The following GRB14 variants were observed in gnomAD, a reference collection of about 807,000 sequenced individuals.
GRB14 encodes growth factor receptor bound protein 14, also known as growth factor receptor-bound protein 14.
GRB14 carries 38 observed loss-of-function variants against 69.1 expected under a neutral mutation model. The observed-to-expected ratio is 0.55, with a 90% CI of 0.42 to 0.72. The LOEUF (loss-of-function observed/expected upper bound fraction) is 0.72, where lower values mean the gene tolerates loss of function less well. Among genes scored for constraint, GRB14 ranks in the 30% least tolerant of loss-of-function variants. GRB14 has a pLI of 0.00. For synonymous variants in GRB14, 247 were observed against 241.3 expected (o/e 1.02, Z -0.22); for missense variants, 666 against 666.1 (o/e 1.00, Z 0.00).
At position 164,502,279 on chromosome 2, in the gene GRB14, G is replaced by A. The variant is rs1687076634; in HGVS notation, c.1080C>T (p.Cys360=). ...YMHPYQGRSG[C]SSQSISPMRS... ...CCATAGGTGATATGCTCTGTGAACTGCAGCCACTTCTACCTTGATATGGAT... is the reference window on the plus strand; with the variant it reads ...CCATAGGTGATATGCTCTGTGAACTACAGCCACTTCTACCTTGATATGGAT... The change falls in exon 9 of 14, where the codon TGC becomes TGT. Residue 360 remains cysteine (C), a synonymous_variant. Coordinates refer to ENST00000263915, the MANE Select transcript of GRB14 (RefSeq NM_004490.3). 2.5e-6 allele frequency: 4 copies of A among 1,602,778 alleles called. No homozygotes were observed. Among genetic ancestry groups the A allele is most frequent in the Non-Finnish European group, 3.4e-6 (4 of 1,170,542 alleles).
chr2:164,607,624 A>G (rs937961603), intron 2 of GRB14, among the ~76,000 whole-genome samples: 1 of 152,230 alleles, frequency 6.6e-6, no homozygotes, highest in African/African-American at 2.4e-5. Flanking sequence ...AGGACCTCAT[A>G]TAATACAACT....
At chr2:164,583,997 T>G (rs1037572384) in intron 2 of GRB14, among the ~76,000 whole-genome samples, 11 of 151,976 alleles carry the variant, frequency 7.2e-5, no homozygotes, top group African/African-American at 2.7e-4. Context: ...ATTGCTTTTT[T>G]TTTTTGGAGA....
intron 2 of GRB14, among the ~76,000 whole-genome samples, chr2:164,578,228 G>A (rs1689300207): frequency 6.6e-6 from 1 of 151,348 alleles, no homozygotes; most frequent in South Asian, 2.1e-4. Flanking sequence ...GCAAGACTCT[G>A]TCTAAAAAAA....
intron 2 of GRB14, among the ~76,000 whole-genome samples, chr2:164,613,675 T>C (rs138282080): frequency 1.2e-3 from 184 of 152,340 alleles, no homozygotes; most frequent in Non-Finnish European, 2.0e-3. Context: ...AGTGGTTGAC[T>C]TGATTTTTGC....
intron 6 of GRB14, among the ~76,000 whole-genome samples, 178 bp from the exon 7 acceptor site, chr2:164,509,030 T>C (rs768485336): frequency 6.6e-6 from 1 of 152,154 alleles, no homozygotes; most frequent in East Asian, 1.9e-4. Context: ...AACCAGGAGC[T>C]GGATACAATT....
intron 12 of GRB14, among the ~76,000 whole-genome samples, chr2:164,494,992 C>T (rs539731977): frequency 2.1e-4 from 32 of 152,084 alleles, no homozygotes; most frequent in Admixed American, 5.2e-4. Context: ...CGCTCTGTCA[C>T]CCAGGCTGGA....
intron 6 of GRB14, among the ~76,000 whole-genome samples, chr2:164,518,905 G>A (rs1238373687): frequency 6.6e-6 from 1 of 151,978 alleles, no homozygotes; most frequent in African/African-American, 2.4e-5. Context: ...AAAAGGTCCA[G>A]GACCAGATGG....
chr2:164,593,302 C>T (rs1052061220), intron 2 of GRB14, among the ~76,000 whole-genome samples: 2 of 151,932 alleles, frequency 1.3e-5, no homozygotes, highest in Non-Finnish European at 2.9e-5. Flanking sequence ...ACTATATATA[C>T]ATTCTGACTA....
rs561301380 is a variant in GRB14, at chr2:164,515,255, C to T, written c.817-6403G>A. ...CAACTCCGGGCTGCAGGCCAACCAA[C>T]ACAAAACGAGCACAATAAACAAAAC... On this transcript the variant is annotated intron_variant, in intron 6 of 13. Coordinates refer to ENST00000263915, the MANE Select transcript of GRB14 (RefSeq NM_004490.3). Among the ~76,000 whole-genome samples, 10 of 152,302 alleles carry T rather than the reference C, an allele frequency of 6.6e-5. No individual in the cohort carries two copies. The East Asian group carries it at 1.9e-3, about 29-fold the overall frequency.
chr2:164,520,459 C>T (rs185327399), intron 6 of GRB14, among the ~76,000 whole-genome samples: 15 of 151,820 alleles, frequency 9.9e-5, no homozygotes, highest in African/African-American at 3.4e-4. Flanking sequence ...AAAGACTTCC[C>T]GACTAAGAAC....
intron 3 of GRB14, among the ~76,000 whole-genome samples, chr2:164,540,574 A>C (rs1246087165): frequency 6.6e-6 from 1 of 152,104 alleles, no homozygotes; most frequent in African/African-American, 2.4e-5. Context: ...ACACCTCTGC[A>C]CTCCAGCCTG....
intron 7 of GRB14, 75 bp downstream of exon 7, chr2:164,508,667 C>T: frequency 1.4e-6 from 2 of 1,438,648 alleles, no homozygotes; most frequent in South Asian, 1.2e-5. Flanking sequence ...TTTTCAAAAG[C>T]AATTAAAGGA....
chr2:164,508,755 CCA>C lies in GRB14; in HGVS notation c.912_913del (p.Tyr304Ter). 6.3e-7 allele frequency: 1 copy of C among 1,584,150 alleles called. No homozygotes were observed. The highest frequency in any genetic ancestry group is 1.2e-5 in the South Asian group (1 of 83,986). On this transcript the variant is annotated stop_gained and frameshift_variant, in exon 7 of 14. Transcript: ENST00000263915. LOFTEE classifies it high-confidence loss of function. ...TTAAGCCTGTACCTTAAAGCAGAAT[CCA>C]TAGTTAGTCGGTGCTCCATGTTTTT...
At chr2:164,603,662 C>CAA (rs1257080656) in intron 2 of GRB14, among the ~76,000 whole-genome samples, 1,939 of 66,528 alleles carry the variant, frequency 0.029, 51 homozygotes, top group African/African-American at 0.097. Context: ...GACACCACCT[C>CAA]AAAAAAAAAA....
intron 3 of GRB14, among the ~76,000 whole-genome samples, chr2:164,541,700 C>A (rs1432210727): frequency 6.6e-6 from 1 of 151,752 alleles, no homozygotes; most frequent in African/African-American, 2.4e-5. Context: ...TTTATAATTT[C>A]AACTTTTATT....
chr2:164,531,255 T>C (rs1287033470), intron 3 of GRB14, among the ~76,000 whole-genome samples: 1 of 152,220 alleles, frequency 6.6e-6, no homozygotes, highest in African/African-American at 2.4e-5. Flanking sequence ...TTCTGTTTAC[T>C]TTTCACACAA....
intron 8 of GRB14, among the ~76,000 whole-genome samples, chr2:164,507,897 T>C (rs1191326942): frequency 6.6e-6 from 1 of 152,220 alleles, no homozygotes; most frequent in Non-Finnish European, 1.5e-5. Context: ...TGTTACTCAT[T>C]TCAAAATTGC....
chr2:164,607,292 T>A (rs774178749), intron 2 of GRB14, among the ~76,000 whole-genome samples: 4 of 152,362 alleles, frequency 2.6e-5, no homozygotes, highest in Non-Finnish European at 5.9e-5. Flanking sequence ...ATTTATTTAT[T>A]CTTTCATTCA....
chr2:164,551,321 G>C (rs1688532685), intron 2 of GRB14, among the ~76,000 whole-genome samples: 1 of 152,014 alleles, frequency 6.6e-6, no homozygotes. Context: ...CTGGACCTAA[G>C]CCTGGGAAAA....
Sources: allele counts gnomAD v4.1 joint callset (sites outside exome capture counted in the v4.1 genomes callset), GRCh38; gene constraint gnomAD v4.1.1; transcripts MANE v1.5; gene names NCBI Gene and HGNC (gene_info 2026-07-23, HGNC 2026-07-21).